ASAP1: variants seen among roughly 807,000 people sequenced by gnomAD.
The protein encoded by ASAP1 is arf-GAP with SH3 domain, ANK repeat and PH domain-containing protein 1.
ASAP1 carries 43 observed loss-of-function variants against 145.2 expected under a neutral mutation model. The observed-to-expected ratio is 0.30, with a 90% CI of 0.23 to 0.38. The LOEUF is 0.38. ASAP1 is among the 10% of genes least tolerant of loss of function. The probability of loss-of-function intolerance (pLI) is 1.00; values close to 1 mark genes in which losing one functional copy is unlikely to be tolerated. For synonymous variants in ASAP1, 546 were observed against 515.5 expected (o/e 1.06, Z -0.80); for missense variants, 1,018 against 1,355.3 (o/e 0.75, Z 3.91).
chr8:130,329,277 C>G (rs1464634240), intron 3 of ASAP1, among the ~76,000 whole-genome samples: 2 of 152,234 alleles, frequency 1.3e-5, no homozygotes, highest in Non-Finnish European at 2.9e-5. Context: ...CCTCTCAAAA[C>G]ATGGCATCCA....
chr8:130,324,364 C>A (rs954863662), intron 3 of ASAP1, among the ~76,000 whole-genome samples: 1 of 152,128 alleles, frequency 6.6e-6, no homozygotes, highest in African/African-American at 2.4e-5. Context: ...CTAAGGCTGT[C>A]TTGGAAGCAG....
intron 3 of ASAP1, among the ~76,000 whole-genome samples, chr8:130,275,717 T>C (rs1297355905): frequency 6.6e-6 from 1 of 152,142 alleles, no homozygotes; most frequent in Non-Finnish European, 1.5e-5. Flanking sequence ...TTTAAATCTA[T>C]TATATTTTCT....
intron 2 of ASAP1, among the ~76,000 whole-genome samples, chr8:130,375,531 G>A (rs1827444030): frequency 1.3e-5 from 2 of 150,030 alleles, no homozygotes; most frequent in African/African-American, 4.9e-5. Context: ...CTGCTCTCCA[G>A]TATAAGTTGG....
In ASAP1 at chr8:130,218,848, C is replaced by CATATAT. The variant is rs58256601; in HGVS notation, c.260-4153_260-4148dup. 4.1e-3 allele frequency among the ~76,000 whole-genome samples: 617 copies of CATATAT among 149,224 alleles called. 3 individuals are homozygous for CATATAT. The highest frequency in any genetic ancestry group is 6.3e-3 in the South Asian group (30 of 4,728). On this transcript the variant is annotated intron_variant, in intron 4 of 29. Coordinates refer to ENST00000518721, the MANE Select transcript of ASAP1 (RefSeq NM_018482.4). ...GCTGAATAACCATGTAGTCTCTTTC[C>CATATAT]ATATATATATATATATGCATATGTA...
At chr8:130,076,930 C>A (rs534462049) in intron 26 of ASAP1, among the ~76,000 whole-genome samples, 61 of 152,226 alleles carry the variant, frequency 4.0e-4, no homozygotes, top group Non-Finnish European at 7.1e-4. Flanking sequence ...TAAAGCCCAA[C>A]TCCTCCACTT....
chr8:130,127,967 C>A lies in ASAP1; in HGVS notation c.1341G>T (p.Arg447=). The A allele has an allele frequency of 6.2e-7, 1 of 1,614,012 alleles. No homozygotes were observed. Among genetic ancestry groups the A allele is most frequent in the Non-Finnish European group, 8.5e-7 (1 of 1,179,990 alleles). ...LTKAIIEDVQ[R]LPGNDICCDC... is the part of the protein sequence containing the mutation. ...CGCAGCAAATGTCATTCCCTGGGAGCCGCTGGACATCCTCAATAATGGCTT... is the reference window on the plus strand; with the variant it reads ...CGCAGCAAATGTCATTCCCTGGGAGACGCTGGACATCCTCAATAATGGCTT... Residue 447 remains arginine, a synonymous_variant, in exon 16 of 30, where the codon CGG becomes CGT. Transcript: ENST00000518721.
chr8:130,189,232 G>A (rs1814966223), intron 5 of ASAP1, among the ~76,000 whole-genome samples: 1 of 151,980 alleles, frequency 6.6e-6, no homozygotes, highest in Admixed American at 6.6e-5. Flanking sequence ...CAGTCACTCT[G>A]CTGTGCTACC....
At chr8:130,152,324 GGT>G (rs2097648264) in intron 13 of ASAP1, among the ~76,000 whole-genome samples, 1 of 152,086 alleles carries the variant, frequency 6.6e-6, no homozygotes. Context: ...GTTTTCTGTT[GGT>G]TTAAAAAGGG....
chr8:130,204,563 C>A (rs1427953238), intron 5 of ASAP1, among the ~76,000 whole-genome samples: 1 of 152,116 alleles, frequency 6.6e-6, no homozygotes, highest in Non-Finnish European at 1.5e-5. Context: ...AGCTCCTGCT[C>A]CCTCCCATTT....
intron 24 of ASAP1, among the ~76,000 whole-genome samples, chr8:130,100,317 T>TCTTC (rs2097526505): frequency 6.7e-6 from 1 of 148,516 alleles, no homozygotes; most frequent in African/African-American, 2.6e-5. Flanking sequence ...TGTCGTGTTT[T>TCTTC]CTTTCTTTCT....
intron 2 of ASAP1, among the ~76,000 whole-genome samples, chr8:130,385,133 G>A (rs891203963): frequency 6.6e-6 from 1 of 152,122 alleles, no homozygotes; most frequent in East Asian, 1.9e-4. Context: ...GAGGCAGAAG[G>A]CACGTTGCTA....
chr8:130,091,469 A>C (rs1170299372), intron 25 of ASAP1, among the ~76,000 whole-genome samples: 2 of 152,342 alleles, frequency 1.3e-5, no homozygotes, highest in African/African-American at 4.8e-5. Context: ...CCCTGAAGAT[A>C]GAGTGGCAGG....
At chr8:130,339,899 G>C (rs1278392233) in intron 3 of ASAP1, among the ~76,000 whole-genome samples, 1 of 151,962 alleles carries the variant, frequency 6.6e-6, no homozygotes, top group Non-Finnish European at 1.5e-5. Flanking sequence ...TTTCCCTCTT[G>C]GTCAGTCCTA....
At chr8:130,398,002 GAATC>G (rs1383790272) in intron 2 of ASAP1, among the ~76,000 whole-genome samples, 31 of 152,348 alleles carry the variant, frequency 2.0e-4, no homozygotes, top group South Asian at 1.5e-3. Flanking sequence ...TTAGATGAAT[GAATC>G]AATCAGTCAG....
At chr8:130,109,397 T>G (rs2097543058) in intron 24 of ASAP1, among the ~76,000 whole-genome samples, 1 of 152,152 alleles carries the variant, frequency 6.6e-6, no homozygotes, top group South Asian at 2.1e-4. Context: ...CTTGAAAATA[T>G]TCTCAGCTAG....
At chr8:130,340,792 TACATAAAG>T (rs1472667778) in intron 3 of ASAP1, 1 of 403,326 alleles carries the variant, frequency 2.5e-6, no homozygotes, top group Non-Finnish European at 4.9e-6. Flanking sequence ...GGATAAAATT[TACATAAAG>T]AACTTAGCAC....
chr8:130,224,712 C>T (rs1365959473), intron 4 of ASAP1, among the ~76,000 whole-genome samples: 3 of 152,098 alleles, frequency 2.0e-5, no homozygotes, highest in African/African-American at 7.2e-5. Flanking sequence ...GGATATGTTC[C>T]ATAATAAATA....
intron 3 of ASAP1, 103 bp downstream of exon 3, chr8:130,357,914 C>T: frequency 7.0e-7 from 1 of 1,423,598 alleles, no homozygotes; most frequent in Non-Finnish European, 9.4e-7. Flanking sequence ...GGGTGTGGCG[C>T]CCCCGGCCCC....
In ASAP1 at chr8:130,214,627, G is replaced by T; in HGVS notation, c.334C>A (p.Pro112Thr). ...TTGACAAACGCGGTGCCAAGGTCGG[G>T]GTTGTCTCGACTTAAAAAATTACTC... ...FGSNFLSRDN[P>T]DLGTAFVKFS... Residue 112 changes from proline (P) to threonine (T), a missense_variant, in exon 5 of 30, where the codon CCC (proline) becomes ACC (threonine). By Grantham distance (38) the Pro-to-Thr change is conservative. This residue lies in a region of ASAP1 where 106 missense variants were observed against 134.5 expected (regional missense o/e 0.79). Coordinates refer to ENST00000518721, the MANE Select transcript of ASAP1 (RefSeq NM_018482.4). 1 of 1,612,636 alleles carries T rather than the reference G, an allele frequency of 6.2e-7. No homozygotes were observed. Among genetic ancestry groups the T allele is most frequent in the Admixed American group, 1.7e-5 (1 of 59,896 alleles).
Sources: gnomAD v4.1 joint callset for allele counts (sites outside exome capture counted in the v4.1 genomes callset) on GRCh38, gnomAD v4.1.1 for gene constraint, gnomAD v4.1.1 regional missense constraint, MANE v1.5 for transcripts, NCBI Gene and HGNC (gene_info 2026-07-23, HGNC 2026-07-21) for gene names.